WDR47: variants seen among roughly 807,000 people sequenced by gnomAD.
The protein encoded by WDR47 is WD repeat-containing protein 47.
WDR47 carries 32 observed loss-of-function variants against 97.2 expected under a neutral mutation model. That is an observed-to-expected ratio of 0.33 (90% CI 0.25 to 0.44). The LOEUF (loss-of-function observed/expected upper bound fraction) is 0.44, where lower values mean the gene tolerates loss of function less well. Among genes scored for constraint, WDR47 ranks in the 20% least tolerant of loss-of-function variants. The probability of loss-of-function intolerance (pLI) is 1.00; values close to 1 mark genes in which losing one functional copy is unlikely to be tolerated. For missense variants in WDR47, 782 were observed against 1,102.3 expected (o/e 0.71, Z 4.11); for synonymous variants, 375 against 373.5 (o/e 1.00, Z -0.05).
At chr1:109,027,261 T>G (rs914904002) in intron 1 of WDR47, among the ~76,000 whole-genome samples, 6 of 151,926 alleles carry the variant, frequency 3.9e-5, no homozygotes. Flanking sequence ...TCGCCATGTT[T>G]GCCAGGCTGG....
intron 7 of WDR47, among the ~76,000 whole-genome samples, chr1:108,998,580 C>G (rs1659934373): frequency 6.6e-6 from 1 of 151,898 alleles, no homozygotes; most frequent in African/African-American, 2.4e-5. Flanking sequence ...CTGAATACGC[C>G]TATTAATTGT....
At chr1:109,029,521 G>A (rs948466785) in intron 1 of WDR47, among the ~76,000 whole-genome samples, 12 of 151,820 alleles carry the variant, frequency 7.9e-5, no homozygotes, top group Non-Finnish European at 1.3e-4. Context: ...TTAGCCGGGC[G>A]TGGTGGTGCA....
chr1:108,985,869 A>G (rs1169962845), intron 10 of WDR47, among the ~76,000 whole-genome samples: 1 of 152,008 alleles, frequency 6.6e-6, no homozygotes, highest in African/African-American at 2.4e-5. Flanking sequence ...GCACCAGTAA[A>G]TTATAATACT....
At chr1:109,009,723 C>T (rs961694014) in intron 5 of WDR47, among the ~76,000 whole-genome samples, 3 of 152,016 alleles carry the variant, frequency 2.0e-5, no homozygotes, top group South Asian at 2.1e-4. Context: ...TATAGCCAGG[C>T]GCAATGGCTC....
chr1:109,039,344 G>C (rs1459651765), intron 1 of WDR47, among the ~76,000 whole-genome samples: 1 of 151,746 alleles, frequency 6.6e-6, no homozygotes, highest in Non-Finnish European at 1.5e-5. Context: ...TGCAACCTCT[G>C]CCTCCTGTGT....
chr1:109,017,767 GAC>G (rs765707694), intron 2 of WDR47, among the ~76,000 whole-genome samples, 166 bp from the exon 3 acceptor site: 31 of 142,584 alleles, frequency 2.2e-4, no homozygotes, highest in Non-Finnish European at 4.5e-4. Flanking sequence ...TTTTTTTTGA[GAC>G]AGAGTGTCGC....
chr1:109,020,697 C>T (rs1230212217), intron 2 of WDR47, among the ~76,000 whole-genome samples: 1 of 152,018 alleles, frequency 6.6e-6, no homozygotes, highest in Non-Finnish European at 1.5e-5. Flanking sequence ...AGTATTAATG[C>T]TTCAAAGATA....
chr1:109,008,191 A>G (rs1183569997), intron 5 of WDR47, among the ~76,000 whole-genome samples: 1 of 152,192 alleles, frequency 6.6e-6, no homozygotes, highest in African/African-American at 2.4e-5. Flanking sequence ...AAAGCACATG[A>G]AAGAAAATAT....
chr1:109,030,446 T>C (rs1371251030), intron 1 of WDR47: 1 of 322,042 alleles, frequency 3.1e-6, no homozygotes, highest in Non-Finnish European at 5.5e-6. Context: ...AAACACACAT[T>C]ATGAAGGAAA....
At chr1:109,001,519 G>C (rs995579358) in intron 7 of WDR47, among the ~76,000 whole-genome samples, 1 of 152,134 alleles carries the variant, frequency 6.6e-6, no homozygotes, top group African/African-American at 2.4e-5. Flanking sequence ...CAGTGTGCCA[G>C]GTACTGTTCT....
Position 109,011,040 on chromosome 1 carries a change from T to C in WDR47, c.1006A>G (p.Asn336Asp). The C allele has an allele frequency of 6.2e-7, 1 of 1,614,142 alleles. No individual in the cohort carries two copies. Among genetic ancestry groups the C allele is most frequent in the Non-Finnish European group, 8.5e-7 (1 of 1,180,036 alleles). ...SHDKRISDLG[N>D]KTSPMSHSFA... ...GAGTGTGACATTGGAGAAGTTTTGTTTCCAAGGTCTGAAATTCTCTTATCA... is the reference window on the plus strand; with the variant it reads ...GAGTGTGACATTGGAGAAGTTTTGTCTCCAAGGTCTGAAATTCTCTTATCA... The change falls in exon 5 of 15, where the codon AAC (asparagine) becomes GAC (aspartate). Residue 336 changes from asparagine (N) to aspartate (D), a missense_variant. Asn to Asp is a conservative substitution (Grantham distance 23, BLOSUM62 1). Coordinates refer to ENST00000369962, the MANE Select transcript of WDR47 (RefSeq NM_001142551.2).
chr1:108,986,346 A>T (rs1486153753), intron 10 of WDR47, among the ~76,000 whole-genome samples, 177 bp downstream of exon 10: 1 of 152,252 alleles, frequency 6.6e-6, no homozygotes, highest in Non-Finnish European at 1.5e-5. Context: ...TAATGACTTA[A>T]GTATATTTCC....
intron 8 of WDR47, chr1:108,992,262 G>T (rs1659405182): frequency 1.1e-6 from 1 of 909,464 alleles, no homozygotes. Flanking sequence ...ATCCGAAGCA[G>T]CCTGAGGTAA....
At chr1:109,002,670 A>C (rs1434910116) in intron 6 of WDR47, among the ~76,000 whole-genome samples, 4 of 152,224 alleles carry the variant, frequency 2.6e-5, no homozygotes, top group African/African-American at 9.6e-5. Context: ...ACAAATTATA[A>C]TGGTTACAAG....
chr1:109,006,223 C>T (rs1367047125), intron 5 of WDR47, among the ~76,000 whole-genome samples: 1 of 152,032 alleles, frequency 6.6e-6, no homozygotes, highest in Non-Finnish European at 1.5e-5. Flanking sequence ...GGAAAAACCC[C>T]GTCTCTACTA....
chr1:108,984,630 A>T (rs1400116797), intron 10 of WDR47, among the ~76,000 whole-genome samples: 1 of 152,230 alleles, frequency 6.6e-6, no homozygotes, highest in Non-Finnish European at 1.5e-5. Flanking sequence ...CTGTAATCCC[A>T]GCACTTTGGG....
chr1:109,013,684 G>T, intron 4 of WDR47, 157 bp downstream of exon 4: 1 of 693,820 alleles, frequency 1.4e-6, no homozygotes, highest in Non-Finnish European at 2.4e-6. Context: ...AAGCGCTACA[G>T]AATGAAAATA....
At chr1:109,034,861 ATAGTACAGC>A (rs1436737623) in intron 1 of WDR47, among the ~76,000 whole-genome samples, 3 of 152,224 alleles carry the variant, frequency 2.0e-5, no homozygotes, top group Non-Finnish European at 4.4e-5. Flanking sequence ...GCATCACAGA[ATAGTACAGC>A]TATCAATAAA....
chr1:108,997,264 AAAAAAAAAAAAG>A (rs1010398860), intron 7 of WDR47, among the ~76,000 whole-genome samples: 4 of 150,212 alleles, frequency 2.7e-5, no homozygotes, highest in African/African-American at 9.7e-5. Context: ...TCTCTCCCAA[AAAAAAAAAAAAG>A]AAAAGAAAAA....
Sources: gnomAD v4.1 joint callset for allele counts (sites outside exome capture counted in the v4.1 genomes callset) on GRCh38, gnomAD v4.1.1 for gene constraint, MANE v1.5 for transcripts, NCBI Gene and HGNC (gene_info 2026-07-23, HGNC 2026-07-21) for gene names.